NRP2: variants seen among roughly 807,000 people sequenced by gnomAD.
NRP2 encodes the protein neuropilin-2.
A neutral mutation model predicts 110.4 loss-of-function variants in NRP2; 52 were observed. That is an observed-to-expected ratio of 0.47 (90% CI 0.38 to 0.59). The LOEUF is 0.59. Among genes scored for constraint, NRP2 ranks in the 20% least tolerant of loss-of-function variants. NRP2 has a pLI of 0.00. For missense variants in NRP2, 1,049 were observed against 1,203.0 expected (o/e 0.87, Z 1.89); for synonymous variants, 508 against 468.9 (o/e 1.08, Z -1.08).
At chr2:205,723,628 A>G (rs2057064445) in intron 4 of NRP2, among the ~76,000 whole-genome samples, 157 bp from the exon 5 acceptor site, 1 of 152,232 alleles carries the variant, frequency 6.6e-6, no homozygotes, top group South Asian at 2.1e-4. Flanking sequence ...CAGGAAAAAT[A>G]TTAGCCATTG....
intron 3 of NRP2, chr2:205,722,162 C>CA (rs1553580403): frequency 1.5e-5 from 5 of 335,196 alleles, no homozygotes; most frequent in African/African-American, 6.9e-5. Flanking sequence ...CTCTCTCTCT[C>CA]TCTCTCTCAT....
At chr2:205,743,694 G>T in intron 9 of NRP2, 142 bp downstream of exon 9, 1 of 1,449,372 alleles carries the variant, frequency 6.9e-7, no homozygotes. Context: ...TCGTTTGAGA[G>T]ATTACTTTGT....
At chr2:205,788,896 A>C (rs1325174728) in intron 15 of NRP2, among the ~76,000 whole-genome samples, 1 of 152,158 alleles carries the variant, frequency 6.6e-6, no homozygotes, top group African/African-American at 2.4e-5. Flanking sequence ...CCCTCTTACT[A>C]AGTGGTGTTA....
intron 2 of NRP2, among the ~76,000 whole-genome samples, chr2:205,713,300 A>T (rs2056833905): frequency 6.6e-6 from 1 of 152,248 alleles, no homozygotes; most frequent in Non-Finnish European, 1.5e-5. Context: ...GAAGCTTTAA[A>T]AAAAAAGTTT....
intron 2 of NRP2, among the ~76,000 whole-genome samples, chr2:205,709,980 T>C (rs1575568698): frequency 6.6e-6 from 1 of 152,260 alleles, no homozygotes; most frequent in Non-Finnish European, 1.5e-5. Context: ...CTTGAAATCA[T>C]GGATTCCAAA....
At chr2:205,781,129 C>T (rs895383313) in intron 15 of NRP2, among the ~76,000 whole-genome samples, 14 of 152,204 alleles carry the variant, frequency 9.2e-5, no homozygotes, top group Non-Finnish European at 1.6e-4. Flanking sequence ...ATCACTTATG[C>T]TTTGTTGGCA....
chr2:205,700,848 G>T, intron 2 of NRP2: 1 of 467,058 alleles, frequency 2.1e-6, no homozygotes, highest in South Asian at 1.6e-5. Flanking sequence ...GCACCCACAG[G>T]CTGTTTGGGG....
At chr2:205,696,737 G>A (rs1347690673) in intron 1 of NRP2, among the ~76,000 whole-genome samples, 2 of 152,232 alleles carry the variant, frequency 1.3e-5, no homozygotes, top group African/African-American at 4.8e-5. Context: ...GCACACTCTG[G>A]TGGTGGTGAC....
chr2:205,687,789 C>A (rs1470079203), intron 1 of NRP2, among the ~76,000 whole-genome samples: 2 of 152,200 alleles, frequency 1.3e-5, no homozygotes, highest in Non-Finnish European at 2.9e-5. Context: ...CGTTCTGCAG[C>A]AGAAAGGCCA....
At chr2:205,777,158 C>A in intron 15 of NRP2, 1 of 986,750 alleles carries the variant, frequency 1.0e-6, no homozygotes. Context: ...CCTTATCTAG[C>A]TCTGGCTGGG....
chr2:205,765,683 G>A (rs768784926), intron 14 of NRP2, 113 bp downstream of exon 14: 1 of 894,256 alleles, frequency 1.1e-6, no homozygotes, highest in Non-Finnish European at 1.9e-6. Context: ...AGTGGGTGGG[G>A]CAGCCACAGT....
intron 6 of NRP2, 113 bp from the exon 7 acceptor site, chr2:205,727,778 A>G: frequency 9.7e-7 from 1 of 1,027,584 alleles, no homozygotes; most frequent in Non-Finnish European, 1.4e-6. Flanking sequence ...TGTCTCAGTG[A>G]ATCACAGATA....
intron 11 of NRP2, among the ~76,000 whole-genome samples, chr2:205,751,052 G>C (rs984582802): frequency 1.3e-5 from 2 of 152,170 alleles, no homozygotes; most frequent in Non-Finnish European, 2.9e-5. Context: ...TAATGAACTT[G>C]TTTTTGTTTT....
chr2:205,790,768 G>A (rs2058292092), intron 15 of NRP2, among the ~76,000 whole-genome samples: 1 of 152,004 alleles, frequency 6.6e-6, no homozygotes, highest in Non-Finnish European at 1.5e-5. Flanking sequence ...CCCTTCCAAG[G>A]AAACAACCTG....
chr2:205,749,359 C>T (rs2057599184), intron 10 of NRP2, among the ~76,000 whole-genome samples: 1 of 152,218 alleles, frequency 6.6e-6, no homozygotes, highest in Non-Finnish European at 1.5e-5. Context: ...TATTCCCGTC[C>T]ATCCAGTTTT....
intron 1 of NRP2, among the ~76,000 whole-genome samples, chr2:205,688,806 T>C (rs551437114): frequency 8.6e-5 from 13 of 152,010 alleles, no homozygotes; most frequent in South Asian, 6.3e-4. Context: ...AAGAGTAGGA[T>C]TGAGAAGAAA....
Position 205,683,353 on chromosome 2 carries a change from A to G in NRP2, c.63A>G (p.Arg21=), listed in dbSNP as rs1253343142. Residue 21 remains arginine, a synonymous_variant, in exon 1 of 17, where the codon AGA becomes AGG. Transcript: ENST00000357785. ...LALYFSRHQV[R]GQPDPPCGGR... is the part of the protein sequence containing the mutation. ...TCTACTTTTCAAGACACCAAGTGAG[A>G]GGCCAACCAGGTAAGCCACTGAAAG... 1 of 1,612,544 alleles carries G rather than the reference A, an allele frequency of 6.2e-7. No individual in the cohort carries two copies. Among genetic ancestry groups the G allele is most frequent in the Non-Finnish European group, 8.5e-7 (1 of 1,178,638 alleles).
intron 13 of NRP2, among the ~76,000 whole-genome samples, chr2:205,764,880 C>T (rs1448219870): frequency 6.6e-6 from 1 of 152,186 alleles, no homozygotes; most frequent in Non-Finnish European, 1.5e-5. Context: ...GTGAGCTTCT[C>T]TGGGCAGAGA....
chr2:205,694,910 T>G (rs2056391273), intron 1 of NRP2, among the ~76,000 whole-genome samples: 1 of 152,244 alleles, frequency 6.6e-6, no homozygotes, highest in Admixed American at 6.5e-5. Context: ...ACAGAAATTC[T>G]AGTATTTATC....
Sources: allele counts gnomAD v4.1 joint callset (sites outside exome capture counted in the v4.1 genomes callset), GRCh38; gene constraint gnomAD v4.1.1; transcripts MANE v1.5; gene names NCBI Gene and HGNC (gene_info 2026-07-23, HGNC 2026-07-21).